Variants in HPS3 observed in about 807,000 individuals in gnomAD.
HPS3 encodes the protein HPS3 biogenesis of lysosomal organelles complex 2 subunit 1.
Under a neutral mutation model 110.9 loss-of-function variants are expected in HPS3, and 79 were observed. The observed-to-expected ratio is 0.71, with a 90% CI of 0.59 to 0.86. The LOEUF (loss-of-function observed/expected upper bound fraction) is 0.86. Ranked by LOEUF, HPS3 falls within the 40% of genes least tolerant of loss-of-function variation. The pLI is 0.00. For missense variants in HPS3, 1,197 were observed against 1,206.2 expected (o/e 0.99, Z 0.11); for synonymous variants, 428 against 451.0 (o/e 0.95, Z 0.65).
Position 149,162,711 on chromosome 3 carries a change from G to A in HPS3, c.2314G>A (p.Asp772Asn). The A allele has an allele frequency of 6.2e-7, 1 of 1,614,014 alleles. No homozygotes were observed. The highest frequency in any genetic ancestry group is 8.5e-7 in the Non-Finnish European group (1 of 1,179,934). The change falls in exon 13 of 17, where the codon GAT becomes AAT. Residue 772 changes from aspartate to asparagine, a missense_variant. Asp to Asn is a conservative substitution (Grantham distance 23, BLOSUM62 1). Coordinates refer to ENST00000296051, the MANE Select transcript of HPS3 (RefSeq NM_032383.5). ...TAAGGTGCTTTGTGCTAAGGATGAA[G>A]ATACAATTCCTCAGCTCTTGGTAGA... ...FFKVLCAKDEDTIPQLLVDFW... is the reference protein window; with the variant it reads ...FFKVLCAKDENTIPQLLVDFW...
rs751469394 is a variant in HPS3, at chr3:149,153,731, A to T, written c.1400+83A>T. The T allele has an allele frequency of 5.0e-6, 7 of 1,400,356 alleles. No homozygotes were observed. In the Admixed American group the frequency reaches 5.1e-5, roughly 10 times the overall value. 86.7% of individuals were successfully genotyped at this position (1,400,356 alleles called of 1,614,324 possible). A position where few individuals can be genotyped will look rare whatever the true frequency, so the allele number is the denominator to read the frequency against. ...TATATTTTGTGTTTATCTTTTTTCAAATCATAACTTGGAATGATCAAATGG... is the reference window on the plus strand; with the variant it reads ...TATATTTTGTGTTTATCTTTTTTCATATCATAACTTGGAATGATCAAATGG... On this transcript the variant is annotated intron_variant, in intron 7 of 16. Coordinates refer to ENST00000296051, the MANE Select transcript of HPS3 (RefSeq NM_032383.5).
chr3:149,147,730 C>G (rs375376222), intron 5 of HPS3, among the ~76,000 whole-genome samples: 9 of 152,282 alleles, frequency 5.9e-5, no homozygotes, highest in Non-Finnish European at 1.3e-4. Flanking sequence ...TGGGTTTTGA[C>G]TGCCTCCAGA....
chr3:149,139,929 T>C, intron 1 of HPS3, 75 bp from the exon 2 acceptor site: 1 of 1,317,232 alleles, frequency 7.6e-7, no homozygotes, highest in Non-Finnish European at 1.1e-6. Flanking sequence ...AATTCATTAA[T>C]AGTACTCATG....
chr3:149,140,463 A>G lies in HPS3; in HGVS notation c.677A>G (p.His226Arg), dbSNP rs188661079. The G allele has an allele frequency of 1.4e-4, 225 of 1,614,150 alleles. 1 individual carries two copies. In the East Asian group the frequency reaches 4.9e-3, roughly 35 times the overall value. ...KNGERVHHHP[H>R]KTNNRIRRTE... ...GGAGAGAGAGTTCACCACCATCCAC[A>G]TAAGACCAACAATCGAATAAGACGG... Residue 226 changes from histidine to arginine, a missense_variant, in exon 2 of 17, where the codon CAT (histidine) becomes CGT (arginine). Physicochemically the swap from His to Arg is conservative, Grantham distance 29. Transcript: ENST00000296051.
chr3:149,153,798 T>C (rs1400359805), intron 7 of HPS3, 150 bp downstream of exon 7: 1 of 771,916 alleles, frequency 1.3e-6, no homozygotes, highest in Non-Finnish European at 2.2e-6. Context: ...AAAAGAAGGT[T>C]CTAACAATCT....
chr3:149,133,810 G>GT (rs901862534), intron 1 of HPS3, among the ~76,000 whole-genome samples: 12 of 152,004 alleles, frequency 7.9e-5, no homozygotes, highest in African/African-American at 2.9e-4. Flanking sequence ...TTGTTTGTTT[G>GT]TTTTTTAGGT....
chr3:149,144,726 G>A (rs1722690219), intron 4 of HPS3, among the ~76,000 whole-genome samples: 1 of 152,148 alleles, frequency 6.6e-6, no homozygotes. Flanking sequence ...ATGCTGTTTA[G>A]TATGGTAGCC....
chr3:149,138,291 C>T (rs1722238111), intron 1 of HPS3, among the ~76,000 whole-genome samples: 1 of 152,112 alleles, frequency 6.6e-6, no homozygotes, highest in South Asian at 2.1e-4. Flanking sequence ...TTGCTTGCCT[C>T]ATAAGTACAT....
Position 149,171,008 on chromosome 3 carries a change from G to A in HPS3, c.2888-1087G>A, listed in dbSNP as rs78405561. On this transcript the variant is annotated intron_variant, in intron 16 of 16. Coordinates refer to ENST00000296051, the MANE Select transcript of HPS3 (RefSeq NM_032383.5). ...TAAAATGTTCACTGGGGCCAGGTGC[G>A]GTGGCTCACGCCGGTAATCCCAGTG... Among the ~76,000 whole-genome samples the A allele has an allele frequency of 5.6e-3, 847 of 152,252 alleles. 7 individuals carry two copies. The highest frequency in any genetic ancestry group is 0.01 in the Middle Eastern group (3 of 294).
At chr3:149,140,931 G>T in intron 2 of HPS3, 86 bp from the exon 3 acceptor site, 1 of 1,240,948 alleles carries the variant, frequency 8.1e-7, no homozygotes. Flanking sequence ...ATAAATAAAT[G>T]AAATTACTAT....
In HPS3 at chr3:149,140,051, C is replaced by T. The variant is rs202087344; in HGVS notation, c.265C>T (p.Arg89Cys). The stretch of plus-strand genomic sequence containing the variant: ...AGAGAAAAACAAAGCTACATTTCTA[C>T]GTGCTTATGTGAACTGGAGAAATAA... ...IEEKNKATFL[R>C]AYVNWRNKRT... The change falls in exon 2 of 17, where the codon CGT becomes TGT. Residue 89 changes from arginine (R) to cysteine (C), a missense_variant. By Grantham distance (180) the Arg-to-Cys change is radical (BLOSUM62 -3). Coordinates refer to ENST00000296051, the MANE Select transcript of HPS3 (RefSeq NM_032383.5). 31 of 1,612,750 alleles carry T rather than the reference C, an allele frequency of 1.9e-5. No individual in the cohort carries two copies. Among genetic ancestry groups the T allele is most frequent in the Admixed American group, 1.2e-4 (7 of 59,830 alleles).
Position 149,129,722 on chromosome 3 carries a change from G to A in HPS3, c.-2G>A. ...GGCTGTGCCATCCCGCCGGACGTCGGGATGGTGCAGCTGTACAACCTGCAC... is the reference window on the plus strand; with the variant it reads ...GGCTGTGCCATCCCGCCGGACGTCGAGATGGTGCAGCTGTACAACCTGCAC... On this transcript the variant is annotated 5_prime_UTR_variant, in exon 1 of 17. Transcript: ENST00000296051. The A allele has an allele frequency of 6.3e-7, 1 of 1,584,088 alleles. No homozygotes were observed. The highest frequency in any genetic ancestry group is 2.1e-4 in the Middle Eastern group (1 of 4,718).
At chr3:149,168,087 G>A in intron 16 of HPS3, 104 bp downstream of exon 16, 1 of 743,188 alleles carries the variant, frequency 1.3e-6, no homozygotes, top group East Asian at 2.7e-5. Context: ...GAAACCGAGG[G>A]CCTTTCAGAA....
At chr3:149,135,731 C>G (rs1019809709) in intron 1 of HPS3, among the ~76,000 whole-genome samples, 1 of 152,000 alleles carries the variant, frequency 6.6e-6, no homozygotes, top group Non-Finnish European at 1.5e-5. Context: ...GGGTTGAGTG[C>G]TGTATGGGGA....
intron 6 of HPS3, 140 bp downstream of exon 6, chr3:149,150,820 G>T (rs1723058008): frequency 1.4e-6 from 1 of 730,244 alleles, no homozygotes; most frequent in Admixed American, 2.0e-5. Flanking sequence ...AGAACTTTTG[G>T]ATGTAAAATA....
At chr3:149,150,806 A>AC in intron 6 of HPS3, 126 bp downstream of exon 6, 3 of 769,888 alleles carry the variant, frequency 3.9e-6, no homozygotes, top group Non-Finnish European at 7.0e-6. Context: ...TAATGTATTG[A>AC]ATTAGAACTT....
intron 8 of HPS3, among the ~76,000 whole-genome samples, chr3:149,155,946 A>G (rs151140901): frequency 2.4e-4 from 37 of 152,234 alleles, no homozygotes; most frequent in African/African-American, 8.7e-4. Flanking sequence ...AGATGGGAAG[A>G]TCACTTGAGC....
intron 1 of HPS3, among the ~76,000 whole-genome samples, chr3:149,136,565 T>C (rs1309137019): frequency 1.3e-5 from 2 of 152,210 alleles, no homozygotes; most frequent in African/African-American, 4.8e-5. Context: ...TCCTAATTTG[T>C]TCGTTGTGTT....
chr3:149,130,640 CGTG>C (rs990646021), intron 1 of HPS3, among the ~76,000 whole-genome samples: 20 of 152,072 alleles, frequency 1.3e-4, no homozygotes, highest in African/African-American at 4.8e-4. Context: ...ATTAGCCGGA[CGTG>C]GTGGTGGGCG....
Sources: allele counts gnomAD v4.1 joint callset (sites outside exome capture counted in the v4.1 genomes callset), GRCh38; gene constraint gnomAD v4.1.1; transcripts MANE v1.5; gene names NCBI Gene and HGNC (gene_info 2026-07-23, HGNC 2026-07-21).